C16orf87: variants seen among roughly 807,000 people sequenced by gnomAD.
C16orf87 encodes the protein HDAC and MIER1 interacting protein 1, also known as UPF0547 protein C16orf87.
C16orf87 carries 13 observed loss-of-function variants against 21.0 expected under a neutral mutation model. The observed-to-expected ratio is 0.62, with a 90% CI of 0.40 to 0.98. The LOEUF (loss-of-function observed/expected upper bound fraction) is 0.98, where lower values mean the gene tolerates loss of function less well. Ranked by LOEUF, C16orf87 falls within the 50% of genes least tolerant of loss-of-function variation. C16orf87 has a pLI of 0.00. For synonymous variants in C16orf87, 49 were observed against 60.2 expected, an observed-to-expected ratio of 0.81 and a Z score of 0.86; for missense variants, 113 against 180.4, an observed-to-expected ratio of 0.63 and a Z score of 2.14.
chr16:46,812,363 A>G (rs1968114251), intron 2 of C16orf87, among the ~76,000 whole-genome samples: 1 of 152,196 alleles, frequency 6.6e-6, no homozygotes, highest in Non-Finnish European at 1.5e-5. Context: ...ATGTGAACAC[A>G]AGTCGGATAT....
rs746187068 is a variant in C16orf87, at chr16:46,831,162, T to C, written c.-13A>G. 35 of 1,554,276 alleles carry C rather than the reference T, an allele frequency of 2.3e-5. 1 individual carries two copies. Among genetic ancestry groups the C allele is most frequent in the Non-Finnish European group, 2.7e-5 (31 of 1,145,954 alleles). On this transcript the variant is annotated 5_prime_UTR_variant, in exon 1 of 4. Coordinates refer to ENST00000285697, the MANE Select transcript of C16orf87 (RefSeq NM_001001436.4). ...GAGTTGCAGACATGCTCCTCTCCCT[T>C]AGCGGCGGCAGCAGCGACGGCTCGG...
intron 2 of C16orf87, among the ~76,000 whole-genome samples, chr16:46,823,558 G>A (rs553687598): frequency 1.2e-4 from 19 of 152,114 alleles, no homozygotes; most frequent in African/African-American, 4.3e-4. Flanking sequence ...TCCTCAGTCA[G>A]GGAACTGTAA....
At chr16:46,808,942 T>C (rs531046680) in intron 3 of C16orf87, among the ~76,000 whole-genome samples, 2 of 148,140 alleles carry the variant, frequency 1.4e-5, no homozygotes, top group East Asian at 2.0e-4. Flanking sequence ...AACAACACTT[T>C]CAATAGTAAA....
Position 46,802,201 on chromosome 16 carries a change from G to A in C16orf87, c.*751C>T, listed in dbSNP as rs1308588875. ...TGTAATAAATATATTTCATGTTTAG[G>A]TTAACAGGCACCATCTTGAGAGCAG... On this transcript the variant is annotated 3_prime_UTR_variant, in exon 4 of 4. Coordinates refer to ENST00000285697, the MANE Select transcript of C16orf87 (RefSeq NM_001001436.4). 1 of 150,926 alleles carries A rather than the reference G, an allele frequency of 6.6e-6. No homozygotes were observed. The highest frequency in any genetic ancestry group is 1.5e-5 in the Non-Finnish European group (1 of 67,734). 9.3% of individuals were successfully genotyped at this position (150,926 alleles called of 1,614,324 possible). A position where few individuals can be genotyped will look rare whatever the true frequency, so the allele number is the denominator to read the frequency against.
At chr16:46,809,809 A>G (rs1968032586) in intron 2 of C16orf87, 24 bp from the exon 3 acceptor site, 1 of 1,515,940 alleles carries the variant, frequency 6.6e-7, no homozygotes, top group African/African-American at 1.4e-5. Context: ...TAAAAGTGAT[A>G]TATTTTAGGG....
At position 46,824,502 on chromosome 16, in the gene C16orf87, A is replaced by AT. The variant is rs1423229645; in HGVS notation, c.67-21dup. 1 of 1,058,290 alleles carries AT rather than the reference A, an allele frequency of 9.4e-7. No individual in the cohort carries two copies. Among genetic ancestry groups the AT allele is most frequent in the Non-Finnish European group, 1.4e-6 (1 of 714,442 alleles). 65.6% of individuals were successfully genotyped at this position (1,058,290 alleles called of 1,614,324 possible). On this transcript the variant is annotated intron_variant, in intron 1 of 3. Coordinates refer to ENST00000285697, the MANE Select transcript of C16orf87 (RefSeq NM_001001436.4). ...AGGAACCTGTAGGAAAAAAAGAAAAATATATATTATTACTATTTTTCTATT... is the reference window on the plus strand; with the variant it reads ...AGGAACCTGTAGGAAAAAAAGAAAAATTATATATTATTACTATTTTTCTATT...
At chr16:46,817,916 C>CA (rs1056745014) in intron 2 of C16orf87, among the ~76,000 whole-genome samples, 6,079 of 67,950 alleles carry the variant, frequency 0.089, 91 homozygotes, top group African/African-American at 0.12. Context: ...CATCAAAAAG[C>CA]AAAAAAAAAA....
rs1968029045 is a variant in C16orf87 at position 46,809,692 on chromosome 16, C to T, written c.257G>A (p.Arg86Lys). 5 of 1,609,592 alleles carry T rather than the reference C, an allele frequency of 3.1e-6. No individual in the cohort carries two copies. The highest frequency in any genetic ancestry group is 4.3e-6 in the Non-Finnish European group (5 of 1,176,186). Residue 86 changes from arginine (R) to lysine (K), a missense_variant, in exon 3 of 4, where the codon AGG (arginine) becomes AAG (lysine). By Grantham distance (26) the Arg-to-Lys change is conservative. Coordinates refer to ENST00000285697, the MANE Select transcript of C16orf87 (RefSeq NM_001001436.4). Reference sequence around the variant, plus strand: ...ATCTGAATGGCTGTTACTTCGAGACCTCTTTCTGTTTTCTAAATCTTTATT... The same window carrying T: ...ATCTGAATGGCTGTTACTTCGAGACTTCTTTCTGTTTTCTAAATCTTTATT... Reference protein sequence around the residue: ...TVNKDLENRKRSRSNSHSDHI... With the variant: ...TVNKDLENRKKSRSNSHSDHI...
At chr16:46,811,118 A>T (rs1158365828) in intron 2 of C16orf87, among the ~76,000 whole-genome samples, 2 of 152,252 alleles carry the variant, frequency 1.3e-5, no homozygotes, top group Non-Finnish European at 2.9e-5. Flanking sequence ...TAAATGAAGA[A>T]GGAATGACAG....
At chr16:46,807,994 C>T in intron 3 of C16orf87, 2 of 455,208 alleles carry the variant, frequency 4.4e-6, no homozygotes, top group Non-Finnish European at 8.8e-6. Flanking sequence ...CTTCTTTCAG[C>T]TGCATTCCCT....
rs1349234521 is a variant in C16orf87, at chr16:46,798,311, C to G, written c.*4641G>C. 6.6e-6 allele frequency: 1 copy of G among 152,324 alleles called. No homozygotes were observed. The highest frequency in any genetic ancestry group is 1.5e-5 in the Non-Finnish European group (1 of 68,120). The allele number at this position is 152,324 out of a possible 1,614,324, so 9.4% of individuals were successfully genotyped here. On this transcript the variant is annotated 3_prime_UTR_variant, in exon 4 of 4. Transcript: ENST00000285697. The stretch of plus-strand genomic sequence containing the variant: ...TCACCGGAGCTCAGGAGTTCGAGAC[C>G]AGCTTGGCCAACATGGTGAAACTCC...
At chr16:46,816,955 GTCT>G (rs1455967893) in intron 2 of C16orf87, among the ~76,000 whole-genome samples, 1 of 152,192 alleles carries the variant, frequency 6.6e-6, no homozygotes, top group Non-Finnish European at 1.5e-5. Flanking sequence ...GATAAGCCAC[GTCT>G]TCTTAAGGTG....
chr16:46,816,789 G>A (rs754560440), intron 2 of C16orf87, among the ~76,000 whole-genome samples: 4 of 152,156 alleles, frequency 2.6e-5, no homozygotes, highest in African/African-American at 9.7e-5. Flanking sequence ...CCAATGACAG[G>A]TAAGTGAAAC....
intron 2 of C16orf87, among the ~76,000 whole-genome samples, chr16:46,821,062 A>T (rs1289676515): frequency 6.6e-6 from 1 of 152,226 alleles, no homozygotes; most frequent in Non-Finnish European, 1.5e-5. Flanking sequence ...GATAAATTGT[A>T]GTGACCTTAA....
chr16:46,827,265 A>G (rs1959655549), intron 1 of C16orf87, among the ~76,000 whole-genome samples: 1 of 152,084 alleles, frequency 6.6e-6, no homozygotes, highest in Non-Finnish European at 1.5e-5. Context: ...AAAACACACC[A>G]CCACCACCAT....
At position 46,800,571 on chromosome 16, in the gene C16orf87, G is replaced by A. The variant is rs1437050629; in HGVS notation, c.*2381C>T. On this transcript the variant is annotated 3_prime_UTR_variant, in exon 4 of 4. Transcript: ENST00000285697. Reference sequence around the variant, plus strand: ...TATCTTCAACAGACCTAATCTAATTGTGGAATCATTTCAAGGTATTTTGAA... The same window carrying A: ...TATCTTCAACAGACCTAATCTAATTATGGAATCATTTCAAGGTATTTTGAA... 6.6e-6 allele frequency: 1 copy of A among 152,128 alleles called. No homozygotes were observed. Among genetic ancestry groups the A allele is most frequent in the Admixed American group, 6.5e-5 (1 of 15,272 alleles). 9.4% of individuals were successfully genotyped at this position (152,128 alleles called of 1,614,324 possible).
chr16:46,806,733 T>C (rs1386574883), intron 3 of C16orf87, among the ~76,000 whole-genome samples: 1 of 152,242 alleles, frequency 6.6e-6, no homozygotes, highest in Admixed American at 6.5e-5. Flanking sequence ...TATAAAGATA[T>C]ATTATTATGA....
At chr16:46,812,606 T>C (rs909044415) in intron 2 of C16orf87, among the ~76,000 whole-genome samples, 3 of 152,326 alleles carry the variant, frequency 2.0e-5, no homozygotes, top group Admixed American at 6.5e-5. Flanking sequence ...TTAAAAGAAC[T>C]AGTGATAGAT....
At chr16:46,826,320 C>T (rs1218307870) in intron 1 of C16orf87, among the ~76,000 whole-genome samples, 2 of 152,124 alleles carry the variant, frequency 1.3e-5, no homozygotes, top group African/African-American at 2.4e-5. Context: ...CTAATCTCAA[C>T]GAAAAAGTAT....
Sources: gnomAD v4.1 joint callset for allele counts (sites outside exome capture counted in the v4.1 genomes callset) on GRCh38, gnomAD v4.1.1 for gene constraint, MANE v1.5 for transcripts, NCBI Gene and HGNC (gene_info 2026-07-23, HGNC 2026-07-21) for gene names.